Variants in TBL1X observed in about 807,000 individuals in gnomAD.
TBL1X encodes the protein transducin beta like 1 X-linked.
Under a neutral mutation model 50.7 loss-of-function variants are expected in TBL1X, and 10 were observed. The observed-to-expected ratio is 0.20, with a 90% CI of 0.12 to 0.33. The LOEUF (loss-of-function observed/expected upper bound fraction) is 0.33. TBL1X is among the 10% of genes least tolerant of loss of function. TBL1X has a pLI of 1.00. For synonymous variants in TBL1X, 190 were observed against 214.7 expected (o/e 0.88, Z 1.01); for missense variants, 340 against 504.4 (o/e 0.67, Z 3.12).
At chrX:9,511,183 A>C (rs2082054090) in intron 2 of TBL1X, among the ~76,000 whole-genome samples, 1 of 112,629 alleles carries the variant, frequency 8.9e-6, no homozygotes, top group Non-Finnish European at 1.9e-5. Flanking sequence ...GTGCTGAGTC[A>C]GTACTCAATG....
intron 15 of TBL1X, among the ~76,000 whole-genome samples, chrX:9,711,093 A>G (rs1015750653): frequency 3.3e-4 from 37 of 111,676 alleles, no homozygotes; most frequent in African/African-American, 1.2e-3. Flanking sequence ...TGTAATCCCA[A>G]CAGTTTGGTA....
intron 2 of TBL1X, among the ~76,000 whole-genome samples, chrX:9,504,174 C>T (rs185184304): frequency 7.3e-4 from 81 of 111,399 alleles, no homozygotes; most frequent in African/African-American, 2.3e-3. Flanking sequence ...GGTGAACCAC[C>T]AGCAAACTGC....
rs2082925696 is a variant in TBL1X at position 9,665,538 on chromosome X, T to TATATATATATATATATAA, written c.211+11217_211+11218insTATATATATATATATAAA. On this transcript the variant is annotated intron_variant, in intron 5 of 17. Transcript: ENST00000645353. ...ATATATATATATATATATATATATA[T>TATATATATATATATATAA]AAAAGGCCTTGGTGCTTTTTCGCTT... is the stretch of plus-strand genomic sequence containing the variant. Among the ~76,000 whole-genome samples, 2 of 64,083 alleles carry TATATATATATATATATAA rather than the reference T, an allele frequency of 3.1e-5. 1 individual carries two copies. The highest frequency in any genetic ancestry group is 5.7e-5 in the Non-Finnish European group (2 of 35,236). The allele number at this position is 64,083 out of a possible 115,157, so 55.6% of individuals were successfully genotyped here. A position where few individuals can be genotyped will look rare whatever the true frequency, so the allele number is the denominator to read the frequency against.
intron 2 of TBL1X, among the ~76,000 whole-genome samples, chrX:9,607,337 G>A (rs2082589004): frequency 8.8e-6 from 1 of 113,230 alleles, no homozygotes; most frequent in South Asian, 3.6e-4. Context: ...GAATCTTTGA[G>A]ATTTGCTTGT....
At chrX:9,708,037 GC>G (rs2146656128) in intron 13 of TBL1X, among the ~76,000 whole-genome samples, 1 of 112,075 alleles carries the variant, frequency 8.9e-6, no homozygotes, top group East Asian at 2.8e-4. Flanking sequence ...TAATTGTTAG[GC>G]CGGGACAGCA....
At chrX:9,533,550 A>G (rs1022855935) in intron 2 of TBL1X, among the ~76,000 whole-genome samples, 1 of 111,727 alleles carries the variant, frequency 9.0e-6, no homozygotes, top group African/African-American at 3.3e-5. Context: ...ACTTAAATGC[A>G]GTTTTCAAAT....
intron 2 of TBL1X, among the ~76,000 whole-genome samples, chrX:9,611,145 C>G (rs1375925003): frequency 1.8e-5 from 2 of 111,905 alleles, no homozygotes; most frequent in African/African-American, 6.5e-5. Context: ...AGCAGCCGTT[C>G]ATGCTGCCAA....
intron 2 of TBL1X, among the ~76,000 whole-genome samples, chrX:9,618,686 TAATA>T (rs1049183250): frequency 1.6e-4 from 18 of 112,136 alleles, no homozygotes; most frequent in East Asian, 2.8e-4. Flanking sequence ...CAAAAAATAA[TAATA>T]AATAAATAAA....
chrX:9,707,797 C>CGG (rs1159620003), intron 13 of TBL1X, among the ~76,000 whole-genome samples: 2 of 112,186 alleles, frequency 1.8e-5, no homozygotes, highest in Non-Finnish European at 3.8e-5. Context: ...TCGGCCCCCT[C>CGG]CACCCTCCCG....
intron 1 of TBL1X, among the ~76,000 whole-genome samples, chrX:9,496,740 A>G (rs773851442): frequency 4.5e-5 from 5 of 111,916 alleles, no homozygotes; most frequent in Non-Finnish European, 9.4e-5. Flanking sequence ...CATGGAGATG[A>G]TTCTCACCTG....
intron 7 of TBL1X, among the ~76,000 whole-genome samples, chrX:9,688,514 A>G (rs747453135): frequency 8.9e-6 from 1 of 112,566 alleles, no homozygotes; most frequent in East Asian, 2.8e-4. Context: ...GCGCCTGCTA[A>G]TCTGAGAACT....
At chrX:9,558,033 G>A (rs1289606878) in intron 2 of TBL1X, among the ~76,000 whole-genome samples, 1 of 112,239 alleles carries the variant, frequency 8.9e-6, no homozygotes, top group East Asian at 2.8e-4. Context: ...GAAGTCAGTT[G>A]ACTCAAGTAT....
At chrX:9,622,942 T>C (rs924894510) in intron 2 of TBL1X, among the ~76,000 whole-genome samples, 1 of 112,439 alleles carries the variant, frequency 8.9e-6, no homozygotes, top group Non-Finnish European at 1.9e-5. Context: ...GCTGTGAACA[T>C]TGAGGAACAA....
chrX:9,475,576 C>G (rs936899121), intron 1 of TBL1X, among the ~76,000 whole-genome samples: 4 of 108,277 alleles, frequency 3.7e-5, no homozygotes, highest in African/African-American at 1.4e-4. Context: ...TTCTGAGTTG[C>G]TGCTACACTA....
chrX:9,711,211 G>C (rs1351467604), intron 15 of TBL1X, among the ~76,000 whole-genome samples: 2 of 109,124 alleles, frequency 1.8e-5, no homozygotes, highest in Non-Finnish European at 3.8e-5. Context: ...AGCCGGGTGT[G>C]GACCTATGGT....
chrX:9,565,271 C>CAAAAAAAAAAAAAA (rs757679440), intron 2 of TBL1X, among the ~76,000 whole-genome samples: 1 of 37,399 alleles, frequency 2.7e-5, no homozygotes, highest in Non-Finnish European at 4.4e-5. Flanking sequence ...GACTCCGTCT[C>CAAAAAAAAAAAAAA]AAAAAAAAAA....
chrX:9,669,744 A>G (rs935311053), intron 5 of TBL1X, among the ~76,000 whole-genome samples: 5 of 111,137 alleles, frequency 4.5e-5, no homozygotes, highest in African/African-American at 1.6e-4. Flanking sequence ...AGCTACACCC[A>G]CTATGCCCAC....
At chrX:9,664,578 C>T (rs185552942) in intron 5 of TBL1X, among the ~76,000 whole-genome samples, 1 of 111,292 alleles carries the variant, frequency 9.0e-6, no homozygotes, top group East Asian at 2.8e-4. Context: ...GGGAAAAAGT[C>T]GGTGCATGGC....
chrX:9,497,926 C>G (rs1463501611), intron 1 of TBL1X, among the ~76,000 whole-genome samples: 4 of 86,760 alleles, frequency 4.6e-5, no homozygotes, highest in Non-Finnish European at 8.8e-5. Flanking sequence ...GAGGTGGGGT[C>G]TCGCTAAGTT....
Sources: allele counts gnomAD v4.1 joint callset (sites outside exome capture counted in the v4.1 genomes callset), GRCh38; gene constraint gnomAD v4.1.1; transcripts MANE v1.5; gene names NCBI Gene and HGNC (gene_info 2026-07-23, HGNC 2026-07-21).